TRIM34: variants seen among roughly 807,000 people sequenced by gnomAD.
TRIM34 encodes the protein E3 ubiquitin-protein ligase TRIM34.
TRIM34 carries 41 observed loss-of-function variants against 38.1 expected under a neutral mutation model. That is an observed-to-expected ratio of 1.08 (90% CI 0.84 to 1.40). The LOEUF (loss-of-function observed/expected upper bound fraction) is 1.40. Ranked by LOEUF, TRIM34 falls within the 40% of genes most tolerant of loss-of-function variation. The pLI, the probability that TRIM34 is intolerant of heterozygous loss-of-function variation, is 0.00. For synonymous variants in TRIM34, 200 were observed against 202.5 expected (o/e 0.99, Z 0.10); for missense variants, 556 against 571.4 (o/e 0.97, Z 0.27).
At chr11:5,629,824 T>C (rs575805991) in intron 1 of TRIM34, among the ~76,000 whole-genome samples, 44 of 152,220 alleles carry the variant, frequency 2.9e-4, no homozygotes, top group South Asian at 6.2e-4. Flanking sequence ...TCTCCTGCCT[T>C]AGCCTCCCGA....
chr11:5,636,990 C>CAA (rs1283963982), intron 4 of TRIM34, among the ~76,000 whole-genome samples: 1 of 152,090 alleles, frequency 6.6e-6, no homozygotes, highest in Non-Finnish European at 1.5e-5. Context: ...ACTAAAAATA[C>CAA]AAAAAATTAG....
chr11:5,621,634 T>C (rs1401701461), upstream of TRIM34, among the ~76,000 whole-genome samples: 1 of 152,218 alleles, frequency 6.6e-6, no homozygotes, highest in East Asian at 1.9e-4. Flanking sequence ...AAATAAATCT[T>C]GGAGCTTCAA....
chr11:5,639,898 T>A (rs541056263), intron 4 of TRIM34, among the ~76,000 whole-genome samples: 5 of 152,242 alleles, frequency 3.3e-5, no homozygotes, highest in Admixed American at 3.3e-4. Flanking sequence ...GGCACAGGTA[T>A]ACAATGCATA....
At chr11:5,637,465 T>G (rs537936146) in intron 4 of TRIM34, among the ~76,000 whole-genome samples, 18 of 152,388 alleles carry the variant, frequency 1.2e-4, no homozygotes, top group Admixed American at 1.1e-3. Context: ...GGAGATACTT[T>G]GATTTTTAAT....
In TRIM34 at chr11:5,641,207, G is replaced by A. The variant is rs74051049; in HGVS notation, c.773+18G>A. The A allele has an allele frequency of 2.5e-6, 4 of 1,613,768 alleles. No homozygotes were observed. The highest frequency in any genetic ancestry group is 4.5e-5 in the East Asian group (2 of 44,858). ...ATGAAATGGTGCGTATGGGTGGCCA[G>A]GAGTGGTGCTTGTGAGTTATAAAGA... is the stretch of plus-strand genomic sequence containing the variant. On this transcript the variant is annotated intron_variant, in intron 5 of 7. Transcript: ENST00000429814.
At position 5,643,126 on chromosome 11, in the gene TRIM34, T is replaced by TA. The variant is rs59472811; in HGVS notation, c.902-18_902-17insA. ...TTATATTCATATACATATATATATA[T>TA]TTTTTTTTTTCTTGCAGTGGATGTC... On this transcript the variant is annotated splice_polypyrimidine_tract_variant and intron_variant, in intron 7 of 7. Coordinates refer to ENST00000429814, the MANE Select transcript of TRIM34 (RefSeq NM_021616.6). 29,616 of 1,108,250 alleles carry TA rather than the reference T, an allele frequency of 0.027. 1,049 individuals are homozygous for TA. Among genetic ancestry groups the TA allele is most frequent in the African/African-American group, 0.13 (7,046 of 56,272 alleles). The allele number at this position is 1,108,250 out of a possible 1,614,324, so 68.7% of individuals were successfully genotyped here. A position where few individuals can be genotyped will look rare whatever the true frequency, so the allele number is the denominator to read the frequency against.
intron 7 of TRIM34, 30 bp from the exon 8 acceptor site, chr11:5,643,114 C>CATATAT (rs113128572): frequency 0.036 from 17,538 of 489,372 alleles, 306 homozygotes; most frequent in Admixed American, 0.2. Flanking sequence ...TATTCATATA[C>CATATAT]ATATATATAT....
At chr11:5,622,872 C>A (rs117625222), upstream of TRIM34, among the ~76,000 whole-genome samples, 41 of 152,308 alleles carry the variant, frequency 2.7e-4, no homozygotes, top group Admixed American at 2.7e-3. Context: ...GAGGTCCTGA[C>A]AACATGTACC....
rs1210784419 is a variant in TRIM34 at position 5,625,028 on chromosome 11, C to T, written c.-110C>T. The T allele has an allele frequency of 6.6e-6, 1 of 152,344 alleles. No individual in the cohort carries two copies. The allele number at this position is 152,344 out of a possible 1,614,324, so 9.4% of individuals were successfully genotyped here. Reference sequence around the variant, plus strand: ...CCACCCTGGCTTTTCTTCACCTCTTCAACCAGGAGCCGAGATTTCTGTTGC... The same window carrying T: ...CCACCCTGGCTTTTCTTCACCTCTTTAACCAGGAGCCGAGATTTCTGTTGC... On this transcript the variant is annotated 5_prime_UTR_variant, in exon 1 of 8. Coordinates refer to ENST00000429814, the MANE Select transcript of TRIM34 (RefSeq NM_021616.6).
At chr11:5,643,009 T>C in intron 7 of TRIM34, 135 bp from the exon 8 acceptor site, 2 of 1,319,718 alleles carry the variant, frequency 1.5e-6, no homozygotes, top group Non-Finnish European at 2.0e-6. Flanking sequence ...TCAGTGCAAG[T>C]TTTTCAGTCA....
chr11:5,630,295 T>A (rs11038414), intron 1 of TRIM34, among the ~76,000 whole-genome samples: 60,252 of 151,996 alleles, frequency 0.4, 13,008 homozygotes, highest in Non-Finnish European at 0.5. Flanking sequence ...ATAACCTTTT[T>A]TTCCCCCACA....
At chr11:5,631,884 TTAAAAA>T (rs1359842545) in intron 1 of TRIM34, among the ~76,000 whole-genome samples, 6 of 152,098 alleles carry the variant, frequency 3.9e-5, no homozygotes, top group African/African-American at 1.4e-4. Flanking sequence ...AGGTGGACAT[TTAAAAA>T]TAGATAATGA....
chr11:5,624,532 T>C (rs955916643), upstream of TRIM34, among the ~76,000 whole-genome samples: 10 of 152,132 alleles, frequency 6.6e-5, no homozygotes, highest in Non-Finnish European at 1.3e-4. Flanking sequence ...TGTGCAACCA[T>C]GAAAGTGGTA....
chr11:5,637,361 C>T (rs1424806416), intron 4 of TRIM34, among the ~76,000 whole-genome samples: 1 of 152,148 alleles, frequency 6.6e-6, no homozygotes, highest in Non-Finnish European at 1.5e-5. Flanking sequence ...CTGCATTCAA[C>T]ACTTACTGCC....
intron 4 of TRIM34, 117 bp downstream of exon 4, chr11:5,634,978 G>A (rs546333795): frequency 1.7e-5 from 18 of 1,046,632 alleles, no homozygotes; most frequent in East Asian, 1.1e-4. Context: ...CCGCCTTGTC[G>A]TCCATTCTAG....
At chr11:5,628,570 G>C (rs1849342936) in intron 1 of TRIM34, among the ~76,000 whole-genome samples, 1 of 152,122 alleles carries the variant, frequency 6.6e-6, no homozygotes, top group African/African-American at 2.4e-5. Context: ...AGGTCTCGAG[G>C]CCTAGGTTTA....
At chr11:5,631,738 C>T (rs938573774) in intron 1 of TRIM34, among the ~76,000 whole-genome samples, 1 of 152,122 alleles carries the variant, frequency 6.6e-6, no homozygotes, top group African/African-American at 2.4e-5. Context: ...AAGTTTTAGT[C>T]ATCTGTGGAG....
chr11:5,633,694 T>G, intron 2 of TRIM34, 110 bp from the exon 3 acceptor site: 1 of 1,054,868 alleles, frequency 9.5e-7, no homozygotes, highest in Non-Finnish European at 1.3e-6. Context: ...GCTTCACAGT[T>G]TCTGTAAATT....
Position 5,642,831 on chromosome 11 carries a change from C to G in TRIM34, c.889C>G (p.Arg297Gly). ...TATTATTTCAGAACTGACAGCTGTC[C>G]GGTGCTACTGGGGTAAGAAAAAGTT... ...LQMFRELTAVRCYWVDVTLNS... is the reference protein window; with the variant it reads ...LQMFRELTAVGCYWVDVTLNS... The change falls in exon 7 of 8, where the codon CGG (arginine) becomes GGG (glycine). Residue 297 changes from arginine to glycine, a missense_variant. By Grantham distance (125) the Arg-to-Gly change is moderately radical. Coordinates refer to ENST00000429814, the MANE Select transcript of TRIM34 (RefSeq NM_021616.6). 2 of 1,613,846 alleles carry G rather than the reference C, an allele frequency of 1.2e-6. No homozygotes were observed. The highest frequency in any genetic ancestry group is 2.2e-5 in the South Asian group (2 of 91,044).
Sources: gnomAD v4.1 joint callset for allele counts (sites outside exome capture counted in the v4.1 genomes callset) on GRCh38, gnomAD v4.1.1 for gene constraint, MANE v1.5 for transcripts, NCBI Gene and HGNC (gene_info 2026-07-23, HGNC 2026-07-21) for gene names.